The following ARHGAP6 variants were observed in gnomAD, a reference collection of about 807,000 sequenced individuals.
The protein encoded by ARHGAP6 is rho GTPase-activating protein 6.
In ARHGAP6, 16 loss-of-function variants were observed where a neutral mutation model predicts 55.7. The observed-to-expected ratio is 0.29, with a 90% CI of 0.19 to 0.44. The LOEUF is 0.44. Ranked by LOEUF, ARHGAP6 falls within the 20% of genes least tolerant of loss-of-function variation. ARHGAP6 has a pLI of 1.00. For missense variants in ARHGAP6, 698 were observed against 808.9 expected (o/e 0.86, Z 1.66); for synonymous variants, 382 against 360.9 (o/e 1.06, Z -0.66).
At chrX:11,157,047 G>A (rs1266102780) in intron 9 of ARHGAP6, among the ~76,000 whole-genome samples, 1 of 112,454 alleles carries the variant, frequency 8.9e-6, no homozygotes, top group Admixed American at 9.4e-5. Context: ...GTATTGGGCA[G>A]TTCTGGAATA....
At chrX:11,167,337 G>GA (rs1174699977) in intron 9 of ARHGAP6, among the ~76,000 whole-genome samples, 17 of 110,079 alleles carry the variant, frequency 1.5e-4, no homozygotes, top group African/African-American at 5.6e-4. Flanking sequence ...GAGTGATGAT[G>GA]TGTGTGTGTG....
chrX:11,307,337 A>T (rs185350089), intron 1 of ARHGAP6, among the ~76,000 whole-genome samples: 1 of 111,100 alleles, frequency 9.0e-6, no homozygotes, highest in East Asian at 2.8e-4. Flanking sequence ...ATTGGCTTGC[A>T]TACTCTCTCT....
chrX:11,154,255 T>G (rs1030379991), intron 10 of ARHGAP6, among the ~76,000 whole-genome samples: 1 of 111,723 alleles, frequency 9.0e-6, no homozygotes, highest in Non-Finnish European at 1.9e-5. Flanking sequence ...TGCTATTTTC[T>G]TGGAAGCCCT....
chrX:11,354,295 TTCTCTC>T (rs1206233633), intron 1 of ARHGAP6, among the ~76,000 whole-genome samples: 2,576 of 40,850 alleles, frequency 0.063, 95 homozygotes, highest in East Asian at 0.21. Flanking sequence ...CTCTCTCTCT[TTCTCTC>T]TCTCTCTCTC....
At chrX:11,475,353 C>T (rs776230139) in intron 1 of ARHGAP6, among the ~76,000 whole-genome samples, 134 of 110,670 alleles carry the variant, frequency 1.2e-3, no homozygotes, top group Non-Finnish European at 2.2e-3. Flanking sequence ...ATCTTTAAGG[C>T]TTTTGGTTCC....
At chrX:11,180,073 C>T (rs943454383) in intron 6 of ARHGAP6, among the ~76,000 whole-genome samples, 1 of 110,113 alleles carries the variant, frequency 9.1e-6, no homozygotes, top group Non-Finnish European at 1.9e-5. Context: ...ATGACTAAGA[C>T]TTAAAAGATG....
At chrX:11,228,953 T>A (rs749228648) in intron 2 of ARHGAP6, among the ~76,000 whole-genome samples, 13 of 112,345 alleles carry the variant, frequency 1.2e-4, no homozygotes, top group African/African-American at 3.5e-4. Context: ...GAATGAACCC[T>A]AGACAGTTCT....
intron 2 of ARHGAP6, among the ~76,000 whole-genome samples, chrX:11,231,005 A>G (rs1359258442): frequency 2.7e-5 from 3 of 111,045 alleles, no homozygotes; most frequent in East Asian, 2.8e-4. Context: ...GTGTGTGACT[A>G]TTTTCCTCAC....
intron 1 of ARHGAP6, among the ~76,000 whole-genome samples, chrX:11,332,686 C>A (rs2048576909): frequency 8.9e-6 from 1 of 112,323 alleles, no homozygotes; most frequent in African/African-American, 3.2e-5. Flanking sequence ...CAGCTTCCCC[C>A]AGTTGTAACA....
chrX:11,246,788 C>T (rs1348966786), intron 2 of ARHGAP6, among the ~76,000 whole-genome samples: 1 of 112,084 alleles, frequency 8.9e-6, no homozygotes, highest in African/African-American at 3.2e-5. Flanking sequence ...ATTGGCATTT[C>T]TACCTACAGT....
chrX:11,547,494 C>T (rs2051223266), intron 1 of ARHGAP6, among the ~76,000 whole-genome samples: 2 of 111,719 alleles, frequency 1.8e-5, no homozygotes, highest in Non-Finnish European at 3.8e-5. Flanking sequence ...CTAGTCCCTT[C>T]TCTGGGATTC....
chrX:11,552,154 T>C (rs1638669589), intron 1 of ARHGAP6, among the ~76,000 whole-genome samples: 1 of 111,410 alleles, frequency 9.0e-6, no homozygotes, highest in Non-Finnish European at 1.9e-5. Context: ...CAATATTTTT[T>C]TCAATATATG....
At chrX:11,206,854 A>T (rs1306241012) in intron 2 of ARHGAP6, among the ~76,000 whole-genome samples, 2 of 111,537 alleles carry the variant, frequency 1.8e-5, no homozygotes, top group Non-Finnish European at 3.8e-5. Flanking sequence ...TTTAAATAAT[A>T]TTCAGCTAAA....
chrX:11,354,160 A>T (rs1018233803), intron 1 of ARHGAP6, among the ~76,000 whole-genome samples: 5 of 108,737 alleles, frequency 4.6e-5, no homozygotes, highest in Admixed American at 4.0e-4. Context: ...GTGAATGTCT[A>T]AACTAGTTAG....
At chrX:11,474,714 C>T in intron 1 of ARHGAP6, among the ~76,000 whole-genome samples, 1 of 111,334 alleles carries the variant, frequency 9.0e-6, no homozygotes. Context: ...ATCTCTGATC[C>T]TCAGTGTGGT....
At chrX:11,642,027 C>T (rs948413445) in intron 1 of ARHGAP6, among the ~76,000 whole-genome samples, 2 of 111,986 alleles carry the variant, frequency 1.8e-5, no homozygotes, top group Non-Finnish European at 3.8e-5. Context: ...TCTTTTACTT[C>T]TTTCAGACCA....
intron 1 of ARHGAP6, among the ~76,000 whole-genome samples, chrX:11,597,935 A>G (rs1355843868): frequency 8.9e-6 from 1 of 112,150 alleles, no homozygotes; most frequent in Non-Finnish European, 1.9e-5. Context: ...GCAGGGAAGT[A>G]GATGTTAGAT....
chrX:11,595,055 C>T (rs2147136138), intron 1 of ARHGAP6, among the ~76,000 whole-genome samples: 1 of 111,642 alleles, frequency 9.0e-6, no homozygotes, highest in East Asian at 2.8e-4. Context: ...CTTTGGGAGG[C>T]CAAGGCGGGC....
intron 1 of ARHGAP6, among the ~76,000 whole-genome samples, chrX:11,333,060 G>A (rs1028661773): frequency 2.4e-4 from 27 of 111,967 alleles, no homozygotes; most frequent in African/African-American, 8.4e-4. Flanking sequence ...CACAATCATC[G>A]AAGAAGATGC....
Sources: gnomAD v4.1 joint callset for allele counts (sites outside exome capture counted in the v4.1 genomes callset) on GRCh38, gnomAD v4.1.1 for gene constraint, MANE v1.5 for transcripts, NCBI Gene and HGNC (gene_info 2026-07-23, HGNC 2026-07-21) for gene names.